The following CHLSN variants were observed in gnomAD, a reference collection of about 807,000 sequenced individuals.
The protein encoded by CHLSN is cholesin.
the CHLSN span, among the ~76,000 whole-genome samples, chr7:1,014,461 CCT>C: frequency 6.6e-6 from 1 of 152,242 alleles, no homozygotes; most frequent in South Asian, 2.1e-4. Flanking sequence ...TGACACGGGC[CCT>C]GTGTGAGCCG....
At chr7:984,427 G>A in the CHLSN span, 78 of 1,548,224 alleles carry the variant, frequency 5.0e-5, no homozygotes, top group Middle Eastern at 1.7e-4. Context: ...AGAACGCTAC[G>A]GGCCGGTGTT....
chr7:1,030,736 G>T, the CHLSN span, among the ~76,000 whole-genome samples: 1 of 77,058 alleles, frequency 1.3e-5, no homozygotes, highest in Non-Finnish European at 2.4e-5. Context: ...GGCAGGGGGG[G>T]ACTCTCTCTC....
chr7:1,023,722 G>A, the CHLSN span, among the ~76,000 whole-genome samples: 1 of 150,408 alleles, frequency 6.6e-6, no homozygotes, highest in African/African-American at 2.5e-5. The surrounding 1 kb of genome is among the most constrained non-coding windows in gnomAD (Gnocchi z 5.0). Context: ...CCAACTCCTC[G>A]TTCTACAGAG....
the CHLSN span, among the ~76,000 whole-genome samples, chr7:998,191 G>A: frequency 3.3e-5 from 5 of 152,204 alleles, no homozygotes; most frequent in African/African-American, 1.2e-4. Context: ...TGCTCAGGGC[G>A]GCAGTGGCCA....
At chr7:986,621 C>T in the CHLSN span, 1 of 1,612,632 alleles carries the variant, frequency 6.2e-7, no homozygotes, top group Non-Finnish European at 8.5e-7. Flanking sequence ...GCCTCCTGCC[C>T]AGCTGTTCAA....
the CHLSN span, among the ~76,000 whole-genome samples, chr7:1,129,752 C>CT: frequency 6.6e-6 from 1 of 152,160 alleles, no homozygotes; most frequent in Non-Finnish European, 1.5e-5. Context: ...CCCGTTCGGT[C>CT]TTTTTTCTGA....
chr7:1,104,377 T>G, the CHLSN span, among the ~76,000 whole-genome samples: 3 of 152,126 alleles, frequency 2.0e-5, no homozygotes, highest in East Asian at 5.8e-4. Context: ...GTGACTGCAC[T>G]CCAGCCTGGG....
At chr7:1,025,197 C>G in the CHLSN span, 1 of 152,358 alleles carries the variant, frequency 6.6e-6, no homozygotes, top group Non-Finnish European at 1.5e-5. Context: ...GGCACCTCCC[C>G]GCAGAGCTCT....
At chr7:984,470 T>C in the CHLSN span, 187 of 1,551,322 alleles carry the variant, frequency 1.2e-4, 2 homozygotes, top group Admixed American at 3.6e-3. Context: ...AAGACGGTGG[T>C]GCTGACGGGG....
chr7:1,112,822 G>GC, the CHLSN span, among the ~76,000 whole-genome samples: 1 of 152,082 alleles, frequency 6.6e-6, no homozygotes, highest in Non-Finnish European at 1.5e-5. Flanking sequence ...CTGGAGAAGC[G>GC]CAGCGGCTTC....
At chr7:1,071,023 C>G in the CHLSN span, among the ~76,000 whole-genome samples, 2 of 151,934 alleles carry the variant, frequency 1.3e-5, no homozygotes, top group African/African-American at 2.4e-5. Flanking sequence ...CACACACATG[C>G]ACACACATGT....
the CHLSN span, among the ~76,000 whole-genome samples, chr7:979,613 G>C: frequency 2.0e-5 from 3 of 151,876 alleles, no homozygotes; most frequent in Non-Finnish European, 4.4e-5. Flanking sequence ...TTAGCCGGGC[G>C]TGGTGGTGAG....
chr7:1,042,293 C>T, the CHLSN span, among the ~76,000 whole-genome samples: 1 of 152,254 alleles, frequency 6.6e-6, no homozygotes, highest in Admixed American at 6.5e-5. Context: ...CCTCAAACAC[C>T]CTCAGCAGCC....
At chr7:1,111,417 C>G in the CHLSN span, among the ~76,000 whole-genome samples, 6 of 152,116 alleles carry the variant, frequency 3.9e-5, no homozygotes, top group African/African-American at 1.4e-4. Context: ...AAAATGAAAC[C>G]AACTACTATT....
At chr7:1,007,869 G>A in the CHLSN span, among the ~76,000 whole-genome samples, 1 of 152,144 alleles carries the variant, frequency 6.6e-6, no homozygotes, top group Non-Finnish European at 1.5e-5. Flanking sequence ...TGGGGTGCTC[G>A]GAGGGTGTGT....
the CHLSN span, among the ~76,000 whole-genome samples, chr7:1,052,317 G>C: frequency 2.0e-5 from 3 of 152,252 alleles, no homozygotes; most frequent in African/African-American, 7.2e-5. The surrounding 1 kb of genome is among the most constrained non-coding windows in gnomAD (Gnocchi z 4.2). Context: ...CCTGAGAAGA[G>C]CCCAGTCCTG....
chr7:1,103,615 G>T, the CHLSN span, among the ~76,000 whole-genome samples: 1 of 152,202 alleles, frequency 6.6e-6, no homozygotes. Flanking sequence ...TTCAGACCAC[G>T]CTTTCATTAT....
chr7:1,062,959 C>A, the CHLSN span, among the ~76,000 whole-genome samples: 1 of 152,192 alleles, frequency 6.6e-6, no homozygotes, highest in African/African-American at 2.4e-5. Context: ...ACCACCCTAA[C>A]CCTAACCCTC....
the CHLSN span, chr7:987,082 C>T: frequency 1.5e-5 from 23 of 1,491,268 alleles, no homozygotes; most frequent in African/African-American, 7.0e-5. Flanking sequence ...GATCATCCCA[C>T]GAGCCCTGCC....
Sources: allele counts gnomAD v4.1 joint callset (sites outside exome capture counted in the v4.1 genomes callset), GRCh38; gene constraint gnomAD v4.1.1; non-coding constraint Gnocchi (gnomAD v3.1); transcripts MANE v1.5; gene names NCBI Gene and HGNC (gene_info 2026-07-23, HGNC 2026-07-21).